Variants in CFAP299 observed in about 807,000 individuals in gnomAD.
CFAP299 encodes the protein cilia- and flagella-associated protein 299.
CFAP299 carries 21 observed loss-of-function variants against 27.0 expected under a neutral mutation model. The ratio of observed to expected loss-of-function variants is 0.78; its 90% confidence interval spans 0.55 to 1.12. CFAP299 has a LOEUF of 1.12. Ranked by LOEUF, CFAP299 falls within the 50% of genes most tolerant of loss-of-function variation. CFAP299 has a pLI of 0.00. For missense variants in CFAP299, 310 were observed against 276.6 expected (o/e 1.12, Z -0.86); for synonymous variants, 104 against 98.1 (o/e 1.06, Z -0.36).
At chr4:80,643,699 A>G (rs1005981240) in intron 3 of CFAP299, among the ~76,000 whole-genome samples, 24 of 152,094 alleles carry the variant, frequency 1.6e-4, no homozygotes, top group Admixed American at 1.0e-3. Context: ...GGATTGGTAG[A>G]TTTGACCATA....
Position 80,387,844 on chromosome 4 carries a change from C to G in CFAP299, c.242+24960C>G, listed in dbSNP as rs562538585. On this transcript the variant is annotated intron_variant, in intron 2 of 5. Coordinates refer to ENST00000358105, the MANE Select transcript of CFAP299 (RefSeq NM_152770.3). ...TGTAGCTTCCAGGAGTCCCCTGGTACCTTTAGCCCGTGGGGTCTTCAGCAT... is the reference window on the plus strand; with the variant it reads ...TGTAGCTTCCAGGAGTCCCCTGGTAGCTTTAGCCCGTGGGGTCTTCAGCAT... 5 of 1,389,968 alleles carry G rather than the reference C, an allele frequency of 3.6e-6. No homozygotes were observed. The African/African-American group carries it at 4.3e-5, about 12-fold the overall frequency. 86.1% of individuals were successfully genotyped at this position (1,389,968 alleles called of 1,614,324 possible).
At chr4:80,632,767 T>G (rs1739278661) in intron 3 of CFAP299, among the ~76,000 whole-genome samples, 1 of 151,652 alleles carries the variant, frequency 6.6e-6, no homozygotes, top group South Asian at 2.1e-4. Context: ...TAAGAGAAAA[T>G]GTATTGTCAA....
At chr4:80,893,200 T>C (rs1734432792) in intron 4 of CFAP299, among the ~76,000 whole-genome samples, 1 of 151,364 alleles carries the variant, frequency 6.6e-6, no homozygotes, top group African/African-American at 2.4e-5. Context: ...AACTATACAC[T>C]GAAAATTATG....
At chr4:80,882,433 T>C (rs1011910317) in intron 4 of CFAP299, among the ~76,000 whole-genome samples, 5 of 151,898 alleles carry the variant, frequency 3.3e-5, no homozygotes, top group Non-Finnish European at 4.4e-5. Context: ...GGTCAGGAGA[T>C]CGAGACCATC....
chr4:80,363,049 A>T (rs1479370979), intron 2 of CFAP299, among the ~76,000 whole-genome samples, 165 bp downstream of exon 2: 3 of 152,260 alleles, frequency 2.0e-5, no homozygotes, highest in African/African-American at 7.2e-5. Context: ...CAACTGTAAT[A>T]TGCTTGCACT....
chr4:80,891,546 A>G (rs1355970738), intron 4 of CFAP299, among the ~76,000 whole-genome samples: 3 of 127,200 alleles, frequency 2.4e-5, no homozygotes, highest in African/African-American at 6.2e-5. Flanking sequence ...ATTCTCACTC[A>G]TAGGTGGGAA....
intron 2 of CFAP299, among the ~76,000 whole-genome samples, chr4:80,521,948 C>T (rs1431131812): frequency 1.3e-5 from 2 of 151,932 alleles, no homozygotes; most frequent in African/African-American, 4.8e-5. Flanking sequence ...AATATCTTTT[C>T]CAGACCCTGT....
At chr4:80,384,260 C>T (rs947706864) in intron 2 of CFAP299, among the ~76,000 whole-genome samples, 6 of 152,024 alleles carry the variant, frequency 3.9e-5, no homozygotes, top group South Asian at 2.1e-4. Flanking sequence ...AATCATATAA[C>T]GTAAAGGATG....
At chr4:80,609,578 A>ATTTTTTATTTTTTGTTTCTTGT (rs1737858472) in intron 3 of CFAP299, among the ~76,000 whole-genome samples, 1 of 152,044 alleles carries the variant, frequency 6.6e-6, no homozygotes, top group Non-Finnish European at 1.5e-5. Flanking sequence ...AATCAACGTT[A>ATTTTTTATTTTTTGTTTCTTGT]ATGTTATTTT....
At chr4:80,741,908 A>G (rs560398959) in intron 3 of CFAP299, among the ~76,000 whole-genome samples, 96 of 152,204 alleles carry the variant, frequency 6.3e-4, no homozygotes, top group Admixed American at 1.2e-3. Flanking sequence ...GCTGATCCCA[A>G]TGCTCCCTCC....
chr4:80,587,062 T>A (rs1280191155), intron 3 of CFAP299, among the ~76,000 whole-genome samples: 1 of 152,218 alleles, frequency 6.6e-6, no homozygotes, highest in South Asian at 2.1e-4. Context: ...GCGTTGTATA[T>A]GACCAATAAC....
At chr4:80,494,630 A>G (rs1438632719) in intron 2 of CFAP299, among the ~76,000 whole-genome samples, 1 of 152,094 alleles carries the variant, frequency 6.6e-6, no homozygotes, top group Non-Finnish European at 1.5e-5. Flanking sequence ...AATTTTAACT[A>G]TGATTTCTTT....
chr4:80,501,718 C>T (rs1378972918), intron 2 of CFAP299, among the ~76,000 whole-genome samples: 1 of 151,490 alleles, frequency 6.6e-6, no homozygotes, highest in African/African-American at 2.4e-5. Flanking sequence ...AAAGTTTCTA[C>T]AGTATTCAAA....
intron 3 of CFAP299, among the ~76,000 whole-genome samples, chr4:80,733,481 T>C (rs1718212649): frequency 1.3e-5 from 2 of 152,132 alleles, no homozygotes; most frequent in African/African-American, 4.8e-5. Context: ...TCTACTCTTT[T>C]AGTTTTAAAA....
intron 3 of CFAP299, among the ~76,000 whole-genome samples, chr4:80,702,497 T>C (rs1049293187): frequency 6.6e-6 from 1 of 151,920 alleles, no homozygotes; most frequent in Non-Finnish European, 1.5e-5. Flanking sequence ...CAGATTAATC[T>C]GCATGTCTGT....
At chr4:80,482,215 CTT>C (rs1361834050) in intron 2 of CFAP299, among the ~76,000 whole-genome samples, 2 of 151,562 alleles carry the variant, frequency 1.3e-5, no homozygotes, top group Non-Finnish European at 2.9e-5. Flanking sequence ...ACATTAAACT[CTT>C]TGCATTAAAA....
intron 3 of CFAP299, among the ~76,000 whole-genome samples, chr4:80,728,001 A>T (rs1273542143): frequency 6.6e-6 from 1 of 152,040 alleles, no homozygotes; most frequent in Non-Finnish European, 1.5e-5. Flanking sequence ...AGAATATCTC[A>T]TTTCAACTAT....
chr4:80,498,746 T>G (rs1240855754), intron 2 of CFAP299, among the ~76,000 whole-genome samples: 2 of 152,132 alleles, frequency 1.3e-5, no homozygotes, highest in African/African-American at 4.8e-5. Flanking sequence ...TTACAGGGGA[T>G]ATACCCAAAG....
chr4:80,470,768 A>T (rs1462219000), intron 2 of CFAP299, among the ~76,000 whole-genome samples: 1 of 152,192 alleles, frequency 6.6e-6, no homozygotes, highest in Non-Finnish European at 1.5e-5. Flanking sequence ...CATCCAGCAG[A>T]ACATTGCCTC....
Sources: allele counts gnomAD v4.1 joint callset (sites outside exome capture counted in the v4.1 genomes callset), GRCh38; gene constraint gnomAD v4.1.1; transcripts MANE v1.5; gene names NCBI Gene and HGNC (gene_info 2026-07-23, HGNC 2026-07-21).